OTOA: variants seen among roughly 807,000 people sequenced by gnomAD.
The protein encoded by OTOA is cancer/testis antigen 108.
OTOA carries 70 observed loss-of-function variants against 110.8 expected under a neutral mutation model. That is an observed-to-expected ratio of 0.63 (90% confidence interval 0.52 to 0.77). OTOA has a LOEUF of 0.77. Ranked by LOEUF, OTOA falls within the 30% of genes least tolerant of loss-of-function variation. The pLI is 0.00. For synonymous variants in OTOA, 373 were observed against 431.5 expected (o/e 0.86, Z 1.68); for missense variants, 917 against 1,075.8 (o/e 0.85, Z 2.06).
intron 11 of OTOA, among the ~76,000 whole-genome samples, chr16:21,702,939 G>T (rs1287614350): frequency 1.3e-5 from 2 of 152,234 alleles, no homozygotes; most frequent in East Asian, 3.9e-4. Flanking sequence ...CTCCCAAAGT[G>T]CTGGGATTAG....
In OTOA at chr16:21,719,142, C is replaced by T. The variant is rs1465327056; in HGVS notation, c.1639C>T (p.Leu547=). 1 of 1,613,902 alleles carries T rather than the reference C, an allele frequency of 6.2e-7. No individual in the cohort carries two copies. Among genetic ancestry groups the T allele is most frequent in the Non-Finnish European group, 8.5e-7 (1 of 1,179,982 alleles). The change falls in exon 16 of 29, where the codon CTG becomes TTG. Residue 547 remains leucine (L), a synonymous_variant. Coordinates refer to ENST00000646100, the MANE Select transcript of OTOA (RefSeq NM_144672.4). ...CATTCTCTTCTCGCAGGCTCTGTTC[C>T]TGTATGAGCTTCTGTTAAAGACCAC... ...KELGRSQALF[L]YELLLKTTRR...
rs368791022 is a variant in OTOA at position 21,710,005 on chromosome 16, G to A, written c.1222G>A (p.Glu408Lys). 57 of 1,613,920 alleles carry A rather than the reference G, an allele frequency of 3.5e-5. No homozygotes were observed. The highest frequency in any genetic ancestry group is 4.5e-5 in the Non-Finnish European group (53 of 1,179,992). The change falls in exon 13 of 29, where the codon GAG (glutamate) becomes AAG (lysine). Residue 408 changes from glutamate (E) to lysine (K), a missense_variant. Glu to Lys is a moderately conservative substitution (Grantham distance 56). Transcript: ENST00000646100. ...TYSQLESLSP[E>K]AVHGAISTLN... ...CAGCCAACTGGAATCCCTCTCCCCCGAGGCTGTGCACGGAGCCATCTCCAC... is the reference window on the plus strand; with the variant it reads ...CAGCCAACTGGAATCCCTCTCCCCCAAGGCTGTGCACGGAGCCATCTCCAC...
intron 10 of OTOA, 142 bp from the exon 11 acceptor site, chr16:21,700,746 A>T (rs1898036406): frequency 1.0e-6 from 1 of 1,003,542 alleles, no homozygotes; most frequent in Non-Finnish European, 1.5e-6. Flanking sequence ...AAAAGAAAAG[A>T]AAAAAAGACA....
intron 9 of OTOA, among the ~76,000 whole-genome samples, chr16:21,694,368 A>G (rs1224719032): frequency 1.3e-5 from 2 of 152,062 alleles, no homozygotes; most frequent in Non-Finnish European, 2.9e-5. Flanking sequence ...CCTTGAACCT[A>G]GGAGTTTGAG....
chr16:21,730,589 T>A, intron 20 of OTOA: 1 of 443,124 alleles, frequency 2.3e-6, no homozygotes, highest in Non-Finnish European at 4.3e-6. Context: ...TCCTCCAATA[T>A]CCTCCCCTAC....
chr16:21,688,411 A>AC lies in OTOA; in HGVS notation c.635+763_635+764insC, dbSNP rs146278269. Among the ~76,000 whole-genome samples the AC allele has an allele frequency of 7.7e-3, 1,167 of 152,138 alleles. 28 individuals are homozygous for AC. Among genetic ancestry groups the AC allele is most frequent in the East Asian group, 0.056 (290 of 5,154 alleles). Reference sequence around the variant, plus strand: ...CTCAAAAACAAAAACAAACAAACAAAAAACAAAAACAAAAAAACCCACATA... The same window carrying AC: ...CTCAAAAACAAAAACAAACAAACAAACAAACAAAAACAAAAAAACCCACATA... On this transcript the variant is annotated intron_variant, in intron 8 of 28. Coordinates refer to ENST00000646100, the MANE Select transcript of OTOA (RefSeq NM_144672.4).
intron 17 of OTOA, among the ~76,000 whole-genome samples, chr16:21,722,015 G>A (rs1362153990): frequency 2.0e-5 from 3 of 150,916 alleles, no homozygotes; most frequent in Admixed American, 1.3e-4. Flanking sequence ...CTTGAGGTTA[G>A]GAGTTCGAAA....
At chr16:21,688,007 C>G (rs763306438) in intron 8 of OTOA, among the ~76,000 whole-genome samples, 1 of 152,014 alleles carries the variant, frequency 6.6e-6, no homozygotes, top group Non-Finnish European at 1.5e-5. Context: ...CAGGGGCTGC[C>G]GTGAGAATGC....
Position 21,679,082 on chromosome 16 carries a change from G to A in OTOA, c.151+16G>A, listed in dbSNP as rs372055857. On this transcript the variant is annotated intron_variant, in intron 4 of 28. Coordinates refer to ENST00000646100, the MANE Select transcript of OTOA (RefSeq NM_144672.4). The stretch of plus-strand genomic sequence containing the variant: ...TATCTGAATGGTAATGTGCCCCCTT[G>A]ATCTCCACTTGCTTCTTCTAAGAAT... 3.5e-4 allele frequency: 569 copies of A among 1,613,848 alleles called. 3 individuals are homozygous for A. Among genetic ancestry groups the A allele is most frequent in the Non-Finnish European group, 4.7e-4 (554 of 1,179,826 alleles).
chr16:21,714,485 C>CT (rs1174009820), intron 13 of OTOA, among the ~76,000 whole-genome samples: 21 of 111,766 alleles, frequency 1.9e-4, no homozygotes, highest in Non-Finnish European at 3.1e-4. Flanking sequence ...CTTTCCTCTC[C>CT]CTCTCTCTCT....
Position 21,726,515 on chromosome 16 carries a change from C to T in OTOA, c.1881-8C>T, listed in dbSNP as rs1416095372. The T allele has an allele frequency of 6.2e-7, 1 of 1,613,384 alleles. No homozygotes were observed. Among genetic ancestry groups the T allele is most frequent in the South Asian group, 1.1e-5 (1 of 91,054 alleles). On this transcript the variant is annotated splice_polypyrimidine_tract_variant and splice_region_variant and intron_variant, in intron 18 of 28. Transcript: ENST00000646100. Reference sequence around the variant, plus strand: ...GTTCCTCCTCTTGTTCTCCCCATCTCTCTCCAGGGCCCGCTACCTGGCTTC... The same window carrying T: ...GTTCCTCCTCTTGTTCTCCCCATCTTTCTCCAGGGCCCGCTACCTGGCTTC...
At chr16:21,736,672 A>G (rs1371272216) in intron 22 of OTOA, among the ~76,000 whole-genome samples, 1 of 152,082 alleles carries the variant, frequency 6.6e-6, no homozygotes, top group Non-Finnish European at 1.5e-5. Context: ...CTCTACTAGA[A>G]ACACAAAAAT....
At chr16:21,725,795 GA>G (rs948426557) in intron 18 of OTOA, among the ~76,000 whole-genome samples, 1 of 152,172 alleles carries the variant, frequency 6.6e-6, no homozygotes, top group Non-Finnish European at 1.5e-5. Context: ...TTCCAAAGGA[GA>G]AAATTTTAAT....
intron 6 of OTOA, among the ~76,000 whole-genome samples, chr16:21,683,618 A>T (rs1966936426): frequency 6.6e-6 from 1 of 151,800 alleles, no homozygotes; most frequent in African/African-American, 2.4e-5. Flanking sequence ...AGGCAGGAGG[A>T]TTGCTTGAGC....
intron 12 of OTOA, among the ~76,000 whole-genome samples, chr16:21,707,727 ACTCT>A (rs761194614): frequency 0.058 from 3,820 of 66,302 alleles, 129 homozygotes; most frequent in African/African-American, 0.085. Flanking sequence ...TCTCTTTCTC[ACTCT>A]CTCTCTTTCT....
At chr16:21,678,317 A>C (rs1413546540) in intron 1 of OTOA, among the ~76,000 whole-genome samples, 194 bp from the exon 2 acceptor site, 1 of 152,086 alleles carries the variant, frequency 6.6e-6, no homozygotes, top group Admixed American at 6.6e-5. Flanking sequence ...GTTTAGATGG[A>C]GGAAAGTAGG....
chr16:21,757,968 C>T (rs1900049181), intron 28 of OTOA, among the ~76,000 whole-genome samples: 1 of 152,016 alleles, frequency 6.6e-6, no homozygotes, highest in Admixed American at 6.6e-5. Flanking sequence ...CTACTATGTT[C>T]CAAGTCCGCA....
At chr16:21,705,706 G>A (rs1488528539) in intron 12 of OTOA, among the ~76,000 whole-genome samples, 1 of 152,132 alleles carries the variant, frequency 6.6e-6, no homozygotes, top group African/African-American at 2.4e-5. Flanking sequence ...CAGCACTTTG[G>A]GAGGCCAAGG....
At chr16:21,683,595 A>G (rs891957607) in intron 6 of OTOA, among the ~76,000 whole-genome samples, 4 of 151,936 alleles carry the variant, frequency 2.6e-5, no homozygotes, top group African/African-American at 9.7e-5. Flanking sequence ...AGTCCCAGCT[A>G]CTTGGAAGGC....
Sources: allele counts gnomAD v4.1 joint callset (sites outside exome capture counted in the v4.1 genomes callset), GRCh38; gene constraint gnomAD v4.1.1; transcripts MANE v1.5; gene names NCBI Gene and HGNC (gene_info 2026-07-23, HGNC 2026-07-21).